Variants in ZNF778 observed in about 807,000 individuals in gnomAD.
ZNF778 encodes the protein zinc finger protein 778.
A neutral mutation model predicts 23.9 loss-of-function variants in ZNF778; 37 were observed. That is an observed-to-expected ratio of 1.54 (90% CI 1.19 to 2.03). The LOEUF (loss-of-function observed/expected upper bound fraction) is 2.03, where lower values mean the gene tolerates loss of function less well. Ranked by LOEUF, ZNF778 falls within the 30% of genes most tolerant of loss-of-function variation. ZNF778 has a pLI of 0.00. For synonymous variants in ZNF778, 483 were observed against 343.9 expected (o/e 1.40, Z -4.48); for missense variants, 1,297 against 934.4 (o/e 1.39, Z -5.06).
rs763877451 is a variant in ZNF778 at position 89,233,139 on chromosome 16, C to G, written c.*4577C>G. 9.5e-6 allele frequency: 4 copies of G among 422,700 alleles called. No homozygotes were observed. The highest frequency in any genetic ancestry group is 4.7e-5 in the Admixed American group (1 of 21,126). 26.2% of individuals were successfully genotyped at this position (422,700 alleles called of 1,614,324 possible). On this transcript the variant is annotated 3_prime_UTR_variant, in exon 7 of 7. Coordinates refer to ENST00000433976, the MANE Select transcript of ZNF778 (RefSeq NM_001201407.2). ...AGCTCGCTCTGCGTATGCAACTCAG[C>G]TCGCTCTGCGTATGCAACTCAGCTC... is the stretch of plus-strand genomic sequence containing the variant.
Position 89,228,960 on chromosome 16 carries a change from G to C in ZNF778, c.*398G>C. The C allele has an allele frequency of 3.0e-6, 3 of 1,003,256 alleles. No homozygotes were observed. The highest frequency in any genetic ancestry group is 3.6e-6 in the Non-Finnish European group (3 of 841,164). The allele number at this position is 1,003,256 out of a possible 1,614,324, so 62.1% of individuals were successfully genotyped here. ...TTAGTAAACGTGGTGATTGACACTT[G>C]AAGTGTTGTGAATGTATGGAAGATA... On this transcript the variant is annotated 3_prime_UTR_variant, in exon 7 of 7. Coordinates refer to ENST00000433976, the MANE Select transcript of ZNF778 (RefSeq NM_001201407.2).
rs2031554271 is a variant in ZNF778 at position 89,227,200 on chromosome 16, TG to T, written c.916del (p.Glu306LysfsTer19). 3 of 1,613,962 alleles carry T rather than the reference TG, an allele frequency of 1.9e-6. No individual in the cohort carries two copies. The East Asian group carries it at 6.7e-5, about 36-fold the overall frequency. On this transcript the variant is annotated frameshift_variant, in exon 7 of 7. Coordinates refer to ENST00000433976, the MANE Select transcript of ZNF778 (RefSeq NM_001201407.2). LOFTEE classifies it low-confidence loss of function (END_TRUNC). ...TTACTGGTCGCGTGCAAGTCCACCCTGGGGAAAAGCCCTGTGAATTGGAAGA... is the reference window on the plus strand; with the variant it reads ...TTACTGGTCGCGTGCAAGTCCACCCTGGGAAAAGCCCTGTGAATTGGAAGA... The part of the protein sequence containing the change: ...YLTGRVQVHP[G>X]EKPCELEECG...
At chr16:89,219,250 C>T (rs1435864305) in intron 1 of ZNF778, among the ~76,000 whole-genome samples, 2 of 152,220 alleles carry the variant, frequency 1.3e-5, no homozygotes, top group Non-Finnish European at 2.9e-5. Context: ...CTGTTCCCAT[C>T]GTTTATGTCT....
At position 89,232,580 on chromosome 16, in the gene ZNF778, C is replaced by T. The variant is rs941615779; in HGVS notation, c.*4018C>T. 1.7e-6 allele frequency: 2 copies of T among 1,173,696 alleles called. No individual in the cohort carries two copies. Among genetic ancestry groups the T allele is most frequent in the Non-Finnish European group, 2.2e-6 (2 of 928,262 alleles). The allele number at this position is 1,173,696 out of a possible 1,614,324, so 72.7% of individuals were successfully genotyped here. Reference sequence around the variant, plus strand: ...GCCCTCCTGTGTGAAAATCTCCACTCCCAATGTCTGAGGGTTCCTCAGAGT... The same window carrying T: ...GCCCTCCTGTGTGAAAATCTCCACTTCCAATGTCTGAGGGTTCCTCAGAGT... On this transcript the variant is annotated 3_prime_UTR_variant, in exon 7 of 7. Coordinates refer to ENST00000433976, the MANE Select transcript of ZNF778 (RefSeq NM_001201407.2).
Position 89,233,626 on chromosome 16 carries a change from CTGTA to C in ZNF778, c.*5067_*5070del, listed in dbSNP as rs1567516423. 2.7e-6 allele frequency: 3 copies of C among 1,126,824 alleles called. No homozygotes were observed. Among genetic ancestry groups the C allele is most frequent in the East Asian group, 1.3e-4 (2 of 15,756 alleles). 69.8% of individuals were successfully genotyped at this position (1,126,824 alleles called of 1,614,324 possible). On this transcript the variant is annotated 3_prime_UTR_variant, in exon 7 of 7. Transcript: ENST00000433976. Reference sequence around the variant, plus strand: ...TACTGCATATGCAACTCAACTCACACTGTATGCAACTCAGCTCGCTCTGCATATG... The same window carrying C: ...TACTGCATATGCAACTCAACTCACACTGCAACTCAGCTCGCTCTGCATATG...
At chr16:89,224,901 A>C in intron 5 of ZNF778, 99 bp downstream of exon 5, 2 of 896,964 alleles carry the variant, frequency 2.2e-6, no homozygotes, top group Non-Finnish European at 3.5e-6. Context: ...GTGTCAAGTT[A>C]AGCGGCTGTG....
rs556815915 is a variant in ZNF778 at position 89,235,370 on chromosome 16, C to T, written c.*6808C>T. On this transcript the variant is annotated 3_prime_UTR_variant, in exon 7 of 7. Coordinates refer to ENST00000433976, the MANE Select transcript of ZNF778 (RefSeq NM_001201407.2). ...CCATTCGCTTGCCCTGGCCTCCAGG[C>T]AGTCCTGCAGCAGCAAACACATCAT... 4.6e-5 allele frequency: 7 copies of T among 152,330 alleles called. No individual in the cohort carries two copies. Among genetic ancestry groups the T allele is most frequent in the Non-Finnish European group, 1.0e-4 (7 of 68,050 alleles). 9.4% of individuals were successfully genotyped at this position (152,330 alleles called of 1,614,324 possible).
At position 89,227,106 on chromosome 16, in the gene ZNF778, A is replaced by G. The variant is rs1163807601; in HGVS notation, c.818A>G (p.Glu273Gly). Reference protein sequence around the residue: ...THSMGCATPVEMHAVRNPHVC... With the variant: ...THSMGCATPVGMHAVRNPHVC... ...TCCATGGGCTGCGCCACACCTGTTG[A>G]AATGCATGCCGTCAGGAATCCCCAC... Residue 273 changes from glutamate (E) to glycine (G), a missense_variant, in exon 7 of 7, where the codon GAA becomes GGA. Glu to Gly is a moderately conservative substitution (Grantham distance 98, BLOSUM62 -2). Transcript: ENST00000433976. 2 of 1,614,032 alleles carry G rather than the reference A, an allele frequency of 1.2e-6. No homozygotes were observed. Among genetic ancestry groups the G allele is most frequent in the East Asian group, 4.5e-5 (2 of 44,888 alleles).
At chr16:89,224,154 C>T (rs1365552076) in intron 4 of ZNF778, among the ~76,000 whole-genome samples, 1 of 151,886 alleles carries the variant, frequency 6.6e-6, no homozygotes, top group Non-Finnish European at 1.5e-5. Context: ...AATCCCAGCA[C>T]TCTAGGAGGC....
intron 1 of ZNF778, chr16:89,218,190 C>A: frequency 6.6e-6 from 1 of 152,176 alleles, no homozygotes; most frequent in East Asian, 1.9e-4. Flanking sequence ...ATCGAATCCA[C>A]GGTGAACAGT....
At position 89,227,126 on chromosome 16, in the gene ZNF778, C is replaced by G; in HGVS notation, c.838C>G (p.Pro280Ala). Residue 280 changes from proline to alanine, a missense_variant, in exon 7 of 7, where the codon CCC becomes GCC. Pro to Ala is a conservative substitution (Grantham distance 27, BLOSUM62 -1). Transcript: ENST00000433976. ...TPVEMHAVRN[P>A]HVCRECGKAF... ...TGTTGAAATGCATGCCGTCAGGAAT[C>G]CCCACGTATGTAGGGAATGTGGGAA... The G allele has an allele frequency of 6.2e-7, 1 of 1,614,034 alleles. No individual in the cohort carries two copies. The highest frequency in any genetic ancestry group is 8.5e-7 in the Non-Finnish European group (1 of 1,179,902).
rs2031968035 is a variant in ZNF778 at position 89,232,341 on chromosome 16, G to A, written c.*3779G>A. On this transcript the variant is annotated 3_prime_UTR_variant, in exon 7 of 7. Transcript: ENST00000433976. ...CTCACCAGAAGCAGGTCAGATGCCAGTGCTATGCTTGCACAGCCTGCTGAA... is the reference window on the plus strand; with the variant it reads ...CTCACCAGAAGCAGGTCAGATGCCAATGCTATGCTTGCACAGCCTGCTGAA... 1 of 267,880 alleles carries A rather than the reference G, an allele frequency of 3.7e-6. No individual in the cohort carries two copies. Among genetic ancestry groups the A allele is most frequent in the Non-Finnish European group, 7.3e-6 (1 of 137,130 alleles). 16.6% of individuals were successfully genotyped at this position (267,880 alleles called of 1,614,324 possible).
Position 89,227,120 on chromosome 16 carries a change from A to C in ZNF778, c.832A>C (p.Arg278=). The C allele has an allele frequency of 6.2e-7, 1 of 1,614,088 alleles. No individual in the cohort carries two copies. The highest frequency in any genetic ancestry group is 2.2e-5 in the East Asian group (1 of 44,888). Residue 278 remains arginine (R), a synonymous_variant, in exon 7 of 7, where the codon AGG becomes CGG. Transcript: ENST00000433976. ...CACACCTGTTGAAATGCATGCCGTCAGGAATCCCCACGTATGTAGGGAATG... is the reference window on the plus strand; with the variant it reads ...CACACCTGTTGAAATGCATGCCGTCCGGAATCCCCACGTATGTAGGGAATG... ...CATPVEMHAV[R]NPHVCRECGK...
At position 89,225,644 on chromosome 16, in the gene ZNF778, A is replaced by G. The variant is rs1245973191; in HGVS notation, c.405+13A>G. On this transcript the variant is annotated intron_variant, in intron 6 of 6. Coordinates refer to ENST00000433976, the MANE Select transcript of ZNF778 (RefSeq NM_001201407.2). ...TGAGACACAGACGGTAAGATTAACAAGAGAGATTTTTTTATTTATCACACT... is the reference window on the plus strand; with the variant it reads ...TGAGACACAGACGGTAAGATTAACAGGAGAGATTTTTTTATTTATCACACT... 14 of 1,606,544 alleles carry G rather than the reference A, an allele frequency of 8.7e-6. No individual in the cohort carries two copies. Among genetic ancestry groups the G allele is most frequent in the Non-Finnish European group, 1.2e-5 (14 of 1,175,292 alleles).
At position 89,225,606 on chromosome 16, in the gene ZNF778, T is replaced by G; in HGVS notation, c.380T>G (p.Phe127Cys). Residue 127 changes from phenylalanine (F) to cysteine (C), a missense_variant, in exon 6 of 7, where the codon TTC becomes TGC. Coordinates refer to ENST00000433976, the MANE Select transcript of ZNF778 (RefSeq NM_001201407.2). ...GCACTTCGGCAGGATAGATCTTGGT[T>G]CAGAGCATCAAATGAGACACAGACG... ...GPALRQDRSW[F>C]RASNETQTAR... 1.9e-6 allele frequency: 3 copies of G among 1,613,138 alleles called. No homozygotes were observed. Among genetic ancestry groups the G allele is most frequent in the Non-Finnish European group, 2.5e-6 (3 of 1,179,380 alleles).
rs1322504986 is a variant in ZNF778, at chr16:89,222,196, T to C, written c.117+13T>C. ...AAATTGTTACCAGGTATGCCAAAACTGTATTTTTTCTTAAAATAACATACT... is the reference window on the plus strand; with the variant it reads ...AAATTGTTACCAGGTATGCCAAAACCGTATTTTTTCTTAAAATAACATACT... On this transcript the variant is annotated intron_variant, in intron 3 of 6. Transcript: ENST00000433976. 2 of 1,586,970 alleles carry C rather than the reference T, an allele frequency of 1.3e-6. No homozygotes were observed. The highest frequency in any genetic ancestry group is 3.5e-5 in the Admixed American group (2 of 56,578).
chr16:89,229,051 G>A lies in ZNF778; in HGVS notation c.*489G>A, dbSNP rs1184828029. ...TGAGACATGTCTTTCTGGGGGTTCT[G>A]TAGACGTATTTTGAATCTTTATGAT... On this transcript the variant is annotated 3_prime_UTR_variant, in exon 7 of 7. Coordinates refer to ENST00000433976, the MANE Select transcript of ZNF778 (RefSeq NM_001201407.2). 3.0e-6 allele frequency: 3 copies of A among 991,414 alleles called. No homozygotes were observed. The highest frequency in any genetic ancestry group is 3.6e-6 in the Non-Finnish European group (3 of 833,884). The allele number at this position is 991,414 out of a possible 1,614,324, so 61.4% of individuals were successfully genotyped here.
chr16:89,233,864 C>G lies in ZNF778; in HGVS notation c.*5302C>G. The G allele has an allele frequency of 7.8e-7, 1 of 1,289,926 alleles. No homozygotes were observed. The highest frequency in any genetic ancestry group is 1.2e-5 in the South Asian group (1 of 81,042). The allele number at this position is 1,289,926 out of a possible 1,614,324, so 79.9% of individuals were successfully genotyped here. A position where few individuals can be genotyped will look rare whatever the true frequency, so the allele number is the denominator to read the frequency against. On this transcript the variant is annotated 3_prime_UTR_variant, in exon 7 of 7. Transcript: ENST00000433976. The stretch of plus-strand genomic sequence containing the variant: ...TCCGGCCACTTCCTTTTTCTAACTA[C>G]CACACCAAGCCAGTATTTCTCCTCC...
rs1401366094 is a variant in ZNF778 at position 89,222,079 on chromosome 16, CTTT to C, written c.26-12_26-10del. The C allele has an allele frequency of 6.3e-7, 1 of 1,580,292 alleles. No individual in the cohort carries two copies. Among genetic ancestry groups the C allele is most frequent in the Non-Finnish European group, 8.6e-7 (1 of 1,157,844 alleles). ...CTGGGTTCTCATGCCTTCTTGCCTT[CTTT>C]GTTTTTTAGGAGGTCATGTTTCTAG... On this transcript the variant is annotated splice_polypyrimidine_tract_variant and intron_variant, in intron 2 of 6. Coordinates refer to ENST00000433976, the MANE Select transcript of ZNF778 (RefSeq NM_001201407.2).
Sources: allele counts gnomAD v4.1 joint callset (sites outside exome capture counted in the v4.1 genomes callset), GRCh38; gene constraint gnomAD v4.1.1; transcripts MANE v1.5; gene names NCBI Gene and HGNC (gene_info 2026-07-23, HGNC 2026-07-21).